The following FAM200B variants were observed in gnomAD, a reference collection of about 807,000 sequenced individuals.
FAM200B encodes zinc finger BED-type containing 11, also known as protein FAM200B.
In FAM200B, 32 loss-of-function variants were observed where a neutral mutation model predicts 33.1. The ratio of observed to expected loss-of-function variants is 0.97; its 90% CI spans 0.73 to 1.30. FAM200B has a LOEUF of 1.30. Ranked by LOEUF, FAM200B falls within the 50% of genes most tolerant of loss-of-function variation. FAM200B has a pLI of 0.00. For missense variants in FAM200B, 741 were observed against 754.0 expected (o/e 0.98, Z 0.20); for synonymous variants, 240 against 264.8 (o/e 0.91, Z 0.91).
the FAM200B span, among the ~76,000 whole-genome samples, chr4:15,645,496 C>T: frequency 6.6e-6 from 1 of 152,014 alleles, no homozygotes; most frequent in African/African-American, 2.4e-5. Flanking sequence ...GGCATGATCT[C>T]AGCTCACTGC....
chr4:15,674,202 G>T, the FAM200B span, among the ~76,000 whole-genome samples: 2 of 129,988 alleles, frequency 1.5e-5, no homozygotes, highest in African/African-American at 3.0e-5. Flanking sequence ...CAAATGCATC[G>T]TGTTTTTTTT....
the FAM200B span, among the ~76,000 whole-genome samples, chr4:15,663,273 T>A: frequency 6.6e-6 from 1 of 152,208 alleles, no homozygotes; most frequent in African/African-American, 2.4e-5. Context: ...AGTACTCCAC[T>A]GCATGGGACA....
the FAM200B span, among the ~76,000 whole-genome samples, chr4:15,647,249 A>G: frequency 8.8e-6 from 1 of 114,260 alleles, no homozygotes; most frequent in African/African-American, 3.4e-5. Context: ...AAAAAGAAAG[A>G]AAATGTTGAA....
intron 1 of FAM200B, among the ~76,000 whole-genome samples, chr4:15,685,892 G>T (rs999483921): frequency 6.6e-6 from 1 of 152,158 alleles, no homozygotes; most frequent in Non-Finnish European, 1.5e-5. Context: ...CACTACCAAG[G>T]CAGGCATGAC....
intron 1 of FAM200B, among the ~76,000 whole-genome samples, 160 bp from the exon 2 acceptor site, chr4:15,686,076 C>A (rs1244314231): frequency 6.6e-6 from 1 of 152,132 alleles, no homozygotes; most frequent in East Asian, 1.9e-4. Context: ...GTTTGCCTTA[C>A]AGAAATAGGC....
At chr4:15,675,075 G>T in the FAM200B span, among the ~76,000 whole-genome samples, 2 of 152,118 alleles carry the variant, frequency 1.3e-5, no homozygotes, top group Non-Finnish European at 2.9e-5. Context: ...AACACTTTAT[G>T]CATCAAAACA....
At chr4:15,685,466 T>TA (rs1718751348) in intron 1 of FAM200B, among the ~76,000 whole-genome samples, 1 of 152,166 alleles carries the variant, frequency 6.6e-6, no homozygotes, top group Non-Finnish European at 1.5e-5. Context: ...GGGATATCCC[T>TA]AGTTGCCTGG....
the FAM200B span, among the ~76,000 whole-genome samples, chr4:15,671,326 T>C: frequency 6.6e-6 from 1 of 152,210 alleles, no homozygotes; most frequent in African/African-American, 2.4e-5. Context: ...ATGTAACTTC[T>C]TACCTTTGTA....
the FAM200B span, among the ~76,000 whole-genome samples, chr4:15,658,794 CG>C: frequency 2.0e-5 from 3 of 152,178 alleles, no homozygotes; most frequent in African/African-American, 7.2e-5. Context: ...TCTACTTTCT[CG>C]ATAGCCACAG....
the FAM200B span, among the ~76,000 whole-genome samples, chr4:15,655,789 C>T: frequency 6.6e-6 from 1 of 152,194 alleles, no homozygotes; most frequent in African/African-American, 2.4e-5. Flanking sequence ...TGGCCAGGAC[C>T]TCCGGAGCTG....
chr4:15,637,740 T>C, the FAM200B span, among the ~76,000 whole-genome samples: 1 of 152,136 alleles, frequency 6.6e-6, no homozygotes, highest in Non-Finnish European at 1.5e-5. Flanking sequence ...ACTTGTAAAA[T>C]TATTTTAGTT....
chr4:15,665,489 T>C, the FAM200B span, among the ~76,000 whole-genome samples: 5 of 152,178 alleles, frequency 3.3e-5, no homozygotes, highest in Admixed American at 6.5e-5. Context: ...AATTTGGGAC[T>C]ACCTTACAAA....
At chr4:15,673,242 C>A in the FAM200B span, among the ~76,000 whole-genome samples, 1 of 152,104 alleles carries the variant, frequency 6.6e-6, no homozygotes, top group Non-Finnish European at 1.5e-5. Flanking sequence ...AAGTTTGAAA[C>A]CAGCCTGGAC....
the FAM200B span, among the ~76,000 whole-genome samples, chr4:15,661,393 T>A: frequency 2.6e-5 from 4 of 152,210 alleles, no homozygotes; most frequent in South Asian, 8.3e-4. Flanking sequence ...TTTTATGGAA[T>A]TTAGCAGAGC....
the FAM200B span, among the ~76,000 whole-genome samples, chr4:15,650,985 T>C: frequency 6.6e-6 from 1 of 152,186 alleles, no homozygotes; most frequent in Non-Finnish European, 1.5e-5. Context: ...TATTACAGCC[T>C]GGTTTCAAAC....
At chr4:15,643,304 G>A in the FAM200B span, among the ~76,000 whole-genome samples, 1 of 152,118 alleles carries the variant, frequency 6.6e-6, no homozygotes, top group Non-Finnish European at 1.5e-5. Context: ...AGCCTTTCCA[G>A]AACATAAATC....
At chr4:15,658,507 TATC>T in the FAM200B span, among the ~76,000 whole-genome samples, 1 of 152,160 alleles carries the variant, frequency 6.6e-6, no homozygotes, top group South Asian at 2.1e-4. Context: ...ATTCATGGGT[TATC>T]ATAGGAGTGG....
chr4:15,655,261 G>C, the FAM200B span: 1 of 1,439,442 alleles, frequency 6.9e-7, no homozygotes, highest in Non-Finnish European at 9.3e-7. Context: ...CGGTGAAGAC[G>C]TCCACTTCTT....
At position 15,687,697 on chromosome 4, in the gene FAM200B, A is replaced by G. The variant is rs1719010176; in HGVS notation, c.720A>G (p.Thr240=). 1.3e-6 allele frequency: 2 copies of G among 1,551,086 alleles called. No homozygotes were observed. The highest frequency in any genetic ancestry group is 1.4e-5 in the African/African-American group (1 of 73,002). ...GCACTGATATTGGAAGCTGCACAAC[A>G]CTTTTAGTTTATGTCAGATATGCGT... The part of the protein sequence containing the change: ...DESTDIGSCT[T]LLVYVRYAWQ... Residue 240 remains threonine, a synonymous_variant, in exon 2 of 2, where the codon ACA becomes ACG. Coordinates refer to ENST00000422728, the MANE Select transcript of FAM200B (RefSeq NM_001145191.2).
Sources: allele counts gnomAD v4.1 joint callset (sites outside exome capture counted in the v4.1 genomes callset), GRCh38; gene constraint gnomAD v4.1.1; transcripts MANE v1.5; gene names NCBI Gene and HGNC (gene_info 2026-07-23, HGNC 2026-07-21).